The following ROBO2 variants were observed in gnomAD, a reference collection of about 807,000 sequenced individuals.
ROBO2 encodes the protein roundabout guidance receptor 2.
In ROBO2, 53 loss-of-function variants were observed where a neutral mutation model predicts 160.8. The ratio of observed to expected loss-of-function variants is 0.33; its 90% confidence interval spans 0.26 to 0.41. The LOEUF (loss-of-function observed/expected upper bound fraction) is 0.41. Among genes scored for constraint, ROBO2 ranks in the 10% least tolerant of loss-of-function variants. The probability of loss-of-function intolerance (pLI) is 1.00; values close to 1 mark genes in which losing one functional copy is unlikely to be tolerated. For synonymous variants in ROBO2, 664 were observed against 611.7 expected (o/e 1.09, Z -1.26); for missense variants, 1,577 against 1,722.4 (o/e 0.92, Z 1.49).
At chr3:75,937,466 C>T (rs765676877) in intron 1 of ROBO2, 3 of 1,414,968 alleles carry the variant, frequency 2.1e-6, no homozygotes, top group South Asian at 1.3e-5. Flanking sequence ...CACATCCACC[C>T]CACTCAATAT....
At chr3:76,945,000 T>TG in intron 2 of ROBO2, among the ~76,000 whole-genome samples, 1 of 152,136 alleles carries the variant, frequency 6.6e-6, no homozygotes, top group South Asian at 2.1e-4. Context: ...GCCATTCTCC[T>TG]GCCTCAGCCT....
intron 2 of ROBO2, among the ~76,000 whole-genome samples, chr3:77,381,436 T>C (rs59671794): frequency 0.19 from 29,038 of 152,092 alleles, 3,481 homozygotes; most frequent in East Asian, 0.49. Flanking sequence ...AGATTTCCAG[T>C]CTCTTGAGCC....
intron 2 of ROBO2, among the ~76,000 whole-genome samples, chr3:76,256,352 T>TACA (rs1211040183): frequency 1.9e-4 from 13 of 69,958 alleles, no homozygotes; most frequent in East Asian, 8.0e-4. Context: ...TCTCTCTCTC[T>TACA]CACATACACA....
intron 2 of ROBO2, among the ~76,000 whole-genome samples, chr3:77,199,742 C>T (rs968469014): frequency 3.1e-4 from 47 of 151,336 alleles, no homozygotes; most frequent in African/African-American, 1.0e-3. Flanking sequence ...CCCACCTCAG[C>T]CTCCTGAGTA....
Position 77,174,229 on chromosome 3 carries a change from A to G in ROBO2, c.388+75889A>G, listed in dbSNP as rs533901449. On this transcript the variant is annotated intron_variant, in intron 2 of 25. Transcript: ENST00000461745. ...CTCCCCATAGCTTTGCTTGACTAAG[A>G]AAATTCTTCTAATCCGAAATTTTAA... is the stretch of plus-strand genomic sequence containing the variant. 9.2e-5 allele frequency among the ~76,000 whole-genome samples: 14 copies of G among 152,174 alleles called. No homozygotes were observed. The South Asian group carries it at 2.7e-3, about 29-fold the overall frequency.
chr3:76,727,141 G>T (rs980981431), intron 2 of ROBO2, among the ~76,000 whole-genome samples: 4 of 150,030 alleles, frequency 2.7e-5, no homozygotes, highest in South Asian at 4.2e-4. Context: ...ATAACATGCA[G>T]TATTTGTAAC....
intron 2 of ROBO2, among the ~76,000 whole-genome samples, chr3:77,474,387 C>G (rs1184933119): frequency 2.0e-5 from 3 of 152,124 alleles, no homozygotes; most frequent in African/African-American, 7.2e-5. Context: ...AGTGAAACAT[C>G]AGAGGCAAAG....
In ROBO2 at chr3:77,522,730, G is replaced by T. The variant is rs180903181; in HGVS notation, c.807-45G>T. ...AGATGAATACTTAATGTTATTATCC[G>T]TATAGCTACTACTATTTAATAAAAC... On this transcript the variant is annotated intron_variant, in intron 5 of 25. Transcript: ENST00000461745. 85 of 1,579,254 alleles carry T rather than the reference G, an allele frequency of 5.4e-5. 2 individuals carry two copies. The South Asian group carries it at 5.9e-4, about 11-fold the overall frequency.
intron 24 of ROBO2, among the ~76,000 whole-genome samples, chr3:77,638,489 C>T (rs1478249802): frequency 6.6e-6 from 1 of 152,266 alleles, no homozygotes; most frequent in East Asian, 1.9e-4. Context: ...GAAAACAACT[C>T]TGCCACGTGG....
intron 2 of ROBO2, among the ~76,000 whole-genome samples, chr3:76,580,984 A>G (rs1352209906): frequency 6.6e-6 from 1 of 152,200 alleles, no homozygotes; most frequent in African/African-American, 2.4e-5. Context: ...GATCTAATTC[A>G]AAAGCCAAGA....
chr3:76,605,163 A>G (rs2087545601), intron 2 of ROBO2, among the ~76,000 whole-genome samples: 1 of 152,184 alleles, frequency 6.6e-6, no homozygotes, highest in African/African-American at 2.4e-5. Context: ...TATGCTAAAC[A>G]TTTCCATTAG....
intron 2 of ROBO2, among the ~76,000 whole-genome samples, chr3:75,964,329 G>C (rs1292418660): frequency 6.6e-6 from 1 of 151,688 alleles, no homozygotes; most frequent in Non-Finnish European, 1.5e-5. Context: ...AAATATGGTT[G>C]TGGTTTTTAC....
intron 2 of ROBO2, among the ~76,000 whole-genome samples, chr3:77,353,102 T>TG (rs528298744): frequency 0.62 from 76,318 of 123,332 alleles, 19,565 homozygotes; most frequent in East Asian, 0.81. Context: ...TTTTCATAGT[T>TG]TAAAAATTTA....
chr3:76,288,179 G>A (rs1708622544), intron 2 of ROBO2, among the ~76,000 whole-genome samples: 1 of 148,134 alleles, frequency 6.8e-6, no homozygotes, highest in South Asian at 2.1e-4. Flanking sequence ...CTTTGAAAAT[G>A]AAGTTGATCA....
chr3:76,644,064 C>T (rs543084299), intron 2 of ROBO2, among the ~76,000 whole-genome samples: 21 of 152,286 alleles, frequency 1.4e-4, no homozygotes, highest in Middle Eastern at 3.4e-3. Context: ...TTAAAAACTA[C>T]ATGTGACACT....
At chr3:76,989,860 C>G (rs1332523007) in intron 2 of ROBO2, among the ~76,000 whole-genome samples, 1 of 151,964 alleles carries the variant, frequency 6.6e-6, no homozygotes, top group Non-Finnish European at 1.5e-5. Flanking sequence ...GTCCACAGGC[C>G]CATACACATG....
At chr3:76,167,271 A>G (rs2072871773) in intron 2 of ROBO2, among the ~76,000 whole-genome samples, 2 of 151,878 alleles carry the variant, frequency 1.3e-5, no homozygotes, top group African/African-American at 4.8e-5. Flanking sequence ...ATTGATTGGA[A>G]TTTTCTGAAT....
intron 2 of ROBO2, among the ~76,000 whole-genome samples, chr3:76,718,098 G>T (rs1284200253): frequency 2.0e-5 from 3 of 152,126 alleles, no homozygotes; most frequent in Non-Finnish European, 4.4e-5. Flanking sequence ...GAAGTGAGTG[G>T]ATAAACGATG....
chr3:76,693,373 G>C (rs1291372630), intron 2 of ROBO2, among the ~76,000 whole-genome samples: 1 of 149,542 alleles, frequency 6.7e-6, no homozygotes, highest in Non-Finnish European at 1.5e-5. Context: ...TGTGTATGTA[G>C]CATATATCCC....
Sources: gnomAD v4.1 joint callset for allele counts (sites outside exome capture counted in the v4.1 genomes callset) on GRCh38, gnomAD v4.1.1 for gene constraint, MANE v1.5 for transcripts, NCBI Gene and HGNC (gene_info 2026-07-23, HGNC 2026-07-21) for gene names.